The following RBFOX1 variants were observed in gnomAD, a reference collection of about 807,000 sequenced individuals.
RBFOX1 encodes the protein RNA binding fox-1 homolog 1.
A neutral mutation model predicts 57.7 loss-of-function variants in RBFOX1; 8 were observed. The ratio of observed to expected loss-of-function variants is 0.14; its 90% CI spans 0.08 to 0.25. RBFOX1 has a LOEUF of 0.25. Among genes scored for constraint, RBFOX1 ranks in the 10% least tolerant of loss-of-function variants. RBFOX1 has a pLI of 1.00. For missense variants in RBFOX1, 611 were observed against 548.5 expected, an observed-to-expected ratio of 1.11 and a Z score of -1.14; for synonymous variants, 326 against 222.4, an observed-to-expected ratio of 1.47 and a Z score of -4.15.
chr16:6,127,003 G>A (rs193236377), intron 1 of RBFOX1, among the ~76,000 whole-genome samples: 4 of 152,270 alleles, frequency 2.6e-5, no homozygotes, highest in Admixed American at 2.6e-4. Flanking sequence ...GTCGGGGAAG[G>A]CTCTCTGAAA....
intron 2 of RBFOX1, among the ~76,000 whole-genome samples, chr16:5,513,989 G>T (rs940026605): frequency 6.6e-6 from 1 of 152,140 alleles, no homozygotes; most frequent in African/African-American, 2.4e-5. Context: ...GGCAGGCTTT[G>T]TCATGTATAT....
intron 4 of RBFOX1, among the ~76,000 whole-genome samples, chr16:7,494,159 C>G (rs1444590212): frequency 2.0e-5 from 3 of 152,160 alleles, no homozygotes; most frequent in Admixed American, 1.3e-4. Flanking sequence ...GCCCCACTTT[C>G]TGATTTTTTT....
chr16:7,001,123 C>T (rs922081490), intron 3 of RBFOX1, among the ~76,000 whole-genome samples: 27 of 152,066 alleles, frequency 1.8e-4, no homozygotes, highest in African/African-American at 6.3e-4. Flanking sequence ...CTGTATCTTC[C>T]TTCATTTTTT....
intron 1 of RBFOX1, among the ~76,000 whole-genome samples, chr16:6,094,414 T>G (rs2096218569): frequency 6.6e-6 from 1 of 152,176 alleles, no homozygotes; most frequent in African/African-American, 2.4e-5. Flanking sequence ...ATGTAAAACC[T>G]AAAACGCTTG....
intron 3 of RBFOX1, among the ~76,000 whole-genome samples, chr16:6,852,694 C>A (rs1020683580): frequency 1.4e-5 from 2 of 145,966 alleles, no homozygotes; most frequent in Admixed American, 1.4e-4. Context: ...GAGGTGCATG[C>A]CAGGAAATAG....
chr16:7,175,567 A>G (rs2081498684), intron 4 of RBFOX1, among the ~76,000 whole-genome samples: 1 of 152,134 alleles, frequency 6.6e-6, no homozygotes, highest in Non-Finnish European at 1.5e-5. Flanking sequence ...TAGGGCTCAT[A>G]GGCAAAGGAT....
intron 2 of RBFOX1, among the ~76,000 whole-genome samples, chr16:6,509,817 C>T (rs972691706): frequency 6.6e-6 from 1 of 152,134 alleles, no homozygotes; most frequent in African/African-American, 2.4e-5. Context: ...TATACACTTA[C>T]CATGTTCTCC....
intron 5 of RBFOX1, among the ~76,000 whole-genome samples, chr16:7,549,996 C>T (rs1327018070): frequency 3.3e-5 from 5 of 152,100 alleles, no homozygotes; most frequent in Admixed American, 3.3e-4. Flanking sequence ...GTGGTGTGAT[C>T]ATAGCTCACT....
At chr16:5,659,817 C>T (rs1254693077) in intron 3 of RBFOX1, among the ~76,000 whole-genome samples, 1 of 152,150 alleles carries the variant, frequency 6.6e-6, no homozygotes, top group African/African-American at 2.4e-5. Context: ...TCAGTCAAAT[C>T]ATTGGTATTT....
chr16:5,361,710 C>T (rs1393098018), intron 1 of RBFOX1, among the ~76,000 whole-genome samples: 1 of 152,180 alleles, frequency 6.6e-6, no homozygotes, highest in Non-Finnish European at 1.5e-5. Flanking sequence ...AAAACAATTC[C>T]AGGTACCTGC....
intron 3 of RBFOX1, among the ~76,000 whole-genome samples, chr16:6,992,837 CAA>C (rs3048923): frequency 7.6e-5 from 9 of 118,564 alleles, no homozygotes; most frequent in Admixed American, 9.3e-5. Context: ...CTTCCTTTTC[CAA>C]AAAAAAAAAA....
At chr16:7,453,342 C>T (rs1048537505) in intron 4 of RBFOX1, among the ~76,000 whole-genome samples, 4 of 151,986 alleles carry the variant, frequency 2.6e-5, no homozygotes, top group Admixed American at 6.6e-5. Flanking sequence ...TGGAAGAGAT[C>T]ATTGTCCTCA....
intron 3 of RBFOX1, among the ~76,000 whole-genome samples, chr16:7,034,229 C>T (rs551539500): frequency 2.6e-5 from 4 of 152,154 alleles, no homozygotes; most frequent in Admixed American, 1.3e-4. Flanking sequence ...TTTAGCCTCT[C>T]TCCATCTCAG....
At chr16:6,552,202 C>A (rs556699409) in intron 2 of RBFOX1, among the ~76,000 whole-genome samples, 2 of 152,068 alleles carry the variant, frequency 1.3e-5, no homozygotes, top group African/African-American at 2.4e-5. Flanking sequence ...CTTTGAAAGT[C>A]CTCATTTAAG....
chr16:5,792,155 C>G (rs2054724077), intron 3 of RBFOX1, among the ~76,000 whole-genome samples: 2 of 152,150 alleles, frequency 1.3e-5, no homozygotes. Flanking sequence ...GTCTAAGGGG[C>G]TGATAAAAGA....
intron 4 of RBFOX1, among the ~76,000 whole-genome samples, chr16:5,999,974 G>T (rs1269239777): frequency 6.7e-6 from 1 of 149,494 alleles, no homozygotes; most frequent in Non-Finnish European, 1.5e-5. Context: ...TTACTGAGCG[G>T]ACCACAGCTT....
intron 2 of RBFOX1, among the ~76,000 whole-genome samples, chr16:6,547,482 C>G (rs1444469357): frequency 6.6e-6 from 1 of 152,098 alleles, no homozygotes; most frequent in Admixed American, 6.5e-5. Context: ...TCTTTAATTG[C>G]TGATAACAGA....
At chr16:6,893,035 C>G (rs1374932944) in intron 3 of RBFOX1, among the ~76,000 whole-genome samples, 2 of 152,186 alleles carry the variant, frequency 1.3e-5, no homozygotes, top group Admixed American at 1.3e-4. Flanking sequence ...TACCTTTGCA[C>G]CAACCGAATA....
intron 4 of RBFOX1, among the ~76,000 whole-genome samples, chr16:7,196,118 C>G (rs1380853806): frequency 6.6e-6 from 1 of 152,118 alleles, no homozygotes; most frequent in Non-Finnish European, 1.5e-5. Flanking sequence ...CATCATCCTA[C>G]TCCTCCTCAT....
Sources: allele counts gnomAD v4.1 joint callset (sites outside exome capture counted in the v4.1 genomes callset), GRCh38; gene constraint gnomAD v4.1.1; transcripts MANE v1.5; gene names NCBI Gene and HGNC (gene_info 2026-07-23, HGNC 2026-07-21).